Variants in SUSD6 observed in about 807,000 individuals in gnomAD.
SUSD6 encodes sushi domain-containing protein 6.
In SUSD6, 16 loss-of-function variants were observed where a neutral mutation model predicts 28.4. The ratio of observed to expected loss-of-function variants is 0.56; its 90% CI spans 0.38 to 0.86. The LOEUF (loss-of-function observed/expected upper bound fraction) is 0.86, where lower values mean the gene tolerates loss of function less well. Ranked by LOEUF, SUSD6 falls within the 40% of genes least tolerant of loss-of-function variation. The probability of loss-of-function intolerance (pLI) is 0.00; values close to 1 mark genes in which losing one functional copy is unlikely to be tolerated. For missense variants in SUSD6, 341 were observed against 384.2 expected (o/e 0.89, Z 0.94); for synonymous variants, 147 against 159.6 (o/e 0.92, Z 0.59).
chr14:69,712,515 G>C lies in SUSD6; in HGVS notation c.*1536G>C, dbSNP rs1488054352. On this transcript the variant is annotated 3_prime_UTR_variant, in exon 6 of 6. Coordinates refer to ENST00000342745, the MANE Select transcript of SUSD6 (RefSeq NM_014734.4). ...ACTGTGGCTGGGAAACTTCGAAGCGGACCCTGTGCTGCATGTCTGCTCCTC... is the reference window on the plus strand; with the variant it reads ...ACTGTGGCTGGGAAACTTCGAAGCGCACCCTGTGCTGCATGTCTGCTCCTC... The C allele has an allele frequency of 1.3e-5, 2 of 152,252 alleles. No individual in the cohort carries two copies. The highest frequency in any genetic ancestry group is 1.9e-4 in the East Asian group (1 of 5,188). 9.4% of individuals were successfully genotyped at this position (152,252 alleles called of 1,614,324 possible).
At position 69,711,451 on chromosome 14, in the gene SUSD6, G is replaced by A. The variant is rs373538282; in HGVS notation, c.*472G>A. 1.0e-3 allele frequency: 168 copies of A among 167,986 alleles called. 4 individuals are homozygous for A. The South Asian group carries it at 0.022, about 22-fold the overall frequency. The allele number at this position is 167,986 out of a possible 1,614,324, so 10.4% of individuals were successfully genotyped here. A position where few individuals can be genotyped will look rare whatever the true frequency, so the allele number is the denominator to read the frequency against. On this transcript the variant is annotated 3_prime_UTR_variant, in exon 6 of 6. Coordinates refer to ENST00000342745, the MANE Select transcript of SUSD6 (RefSeq NM_014734.4). ...CTGCCCCCTGCCACACAGGGGGCCG[G>A]GCCTGGGTCTGTCCTGTTTCCTTTG... is the stretch of plus-strand genomic sequence containing the variant.
At position 69,712,865 on chromosome 14, in the gene SUSD6, TTAGG is replaced by T. The variant is rs1886485035; in HGVS notation, c.*1891_*1894del. ...CTGTGCTGAGTCCAGGAAAGCATAG[TTAGG>T]TAGGGAGCTGGTTGGAGAAGGTGCT... On this transcript the variant is annotated 3_prime_UTR_variant, in exon 6 of 6. Transcript: ENST00000342745. The T allele has an allele frequency of 6.6e-6, 1 of 152,290 alleles. No homozygotes were observed. Among genetic ancestry groups the T allele is most frequent in the African/African-American group, 2.4e-5 (1 of 41,370 alleles). The allele number at this position is 152,290 out of a possible 1,614,324, so 9.4% of individuals were successfully genotyped here. A position where few individuals can be genotyped will look rare whatever the true frequency, so the allele number is the denominator to read the frequency against.
intron 1 of SUSD6, among the ~76,000 whole-genome samples, chr14:69,619,047 A>T (rs1417456803): frequency 6.6e-6 from 1 of 152,196 alleles, no homozygotes; most frequent in Non-Finnish European, 1.5e-5. Flanking sequence ...CTGAGAGGTG[A>T]AAGGGCTAGT....
intron 2 of SUSD6, among the ~76,000 whole-genome samples, chr14:69,691,863 A>G (rs191927192): frequency 2.6e-5 from 4 of 152,236 alleles, no homozygotes; most frequent in Admixed American, 2.6e-4. Flanking sequence ...AACATGGTGA[A>G]ACCTGTCTCT....
At chr14:69,674,764 T>C (rs1224168236) in intron 2 of SUSD6, among the ~76,000 whole-genome samples, 1 of 152,162 alleles carries the variant, frequency 6.6e-6, no homozygotes, top group Non-Finnish European at 1.5e-5. Flanking sequence ...TAGTACAGCC[T>C]GCCTGGCCCT....
In SUSD6 at chr14:69,672,571, T is replaced by G. The variant is rs78903926; in HGVS notation, c.121+13858T>G. On this transcript the variant is annotated intron_variant, in intron 2 of 5. Transcript: ENST00000342745. ...TGGAAGTACTTGAGATGCCAGGTTC[T>G]GCATCACAGTGCTAACTGCCTGGCA... is the stretch of plus-strand genomic sequence containing the variant. 1.7e-3 allele frequency among the ~76,000 whole-genome samples: 255 copies of G among 152,346 alleles called. 1 individual carries two copies. The highest frequency in any genetic ancestry group is 5.7e-3 in the African/African-American group (239 of 41,588).
chr14:69,663,592 T>C (rs911359014), intron 2 of SUSD6, among the ~76,000 whole-genome samples: 10 of 152,226 alleles, frequency 6.6e-5, no homozygotes, highest in African/African-American at 2.2e-4. Flanking sequence ...GCATCACTTA[T>C]GTGTCAGGCT....
chr14:69,650,667 A>G (rs1885490959), intron 1 of SUSD6, among the ~76,000 whole-genome samples: 1 of 151,852 alleles, frequency 6.6e-6, no homozygotes, highest in Non-Finnish European at 1.5e-5. Flanking sequence ...GTCTGGTCTT[A>G]TTTGTTCTCT....
At chr14:69,643,910 T>A (rs1183002009) in intron 1 of SUSD6, among the ~76,000 whole-genome samples, 1 of 152,236 alleles carries the variant, frequency 6.6e-6, no homozygotes, top group Non-Finnish European at 1.5e-5. Context: ...CCCTTTTGTG[T>A]GACTCCAGAG....
chr14:69,658,786 CA>C (rs2139614931), intron 2 of SUSD6, 73 bp downstream of exon 2: 1 of 1,594,510 alleles, frequency 6.3e-7, no homozygotes, highest in Non-Finnish European at 8.6e-7. Flanking sequence ...AAGACTAGGA[CA>C]GGGGACTCTC....
chr14:69,654,233 C>T (rs1217464994), intron 1 of SUSD6, among the ~76,000 whole-genome samples: 2 of 152,226 alleles, frequency 1.3e-5, no homozygotes, highest in African/African-American at 2.4e-5. Context: ...ATACCGGCTC[C>T]TCCCCACAGT....
At chr14:69,646,180 G>A (rs567846051) in intron 1 of SUSD6, among the ~76,000 whole-genome samples, 1 of 152,120 alleles carries the variant, frequency 6.6e-6, no homozygotes, top group Non-Finnish European at 1.5e-5. Flanking sequence ...TCGTCTTTCT[G>A]GGCCTTTGCT....
intron 3 of SUSD6, 31 bp downstream of exon 3, chr14:69,703,623 C>G: frequency 3.8e-6 from 6 of 1,596,272 alleles, no homozygotes; most frequent in Non-Finnish European, 3.4e-6. Context: ...AGGGATGCTG[C>G]TGGGGTTCTG....
At chr14:69,699,465 A>G (rs1032548403) in intron 2 of SUSD6, among the ~76,000 whole-genome samples, 3 of 151,674 alleles carry the variant, frequency 2.0e-5, no homozygotes, top group African/African-American at 7.3e-5. Flanking sequence ...TGACCTCCCA[A>G]AGCGCTGGGA....
intron 1 of SUSD6, among the ~76,000 whole-genome samples, chr14:69,639,239 A>T (rs546777447): frequency 3.8e-4 from 53 of 137,704 alleles, no homozygotes; most frequent in African/African-American, 1.3e-3. Context: ...GAGGCAGGAG[A>T]ATGGCGTGAA....
At chr14:69,693,642 A>T (rs946196260) in intron 2 of SUSD6, among the ~76,000 whole-genome samples, 1 of 152,226 alleles carries the variant, frequency 6.6e-6, no homozygotes, top group African/African-American at 2.4e-5. Flanking sequence ...ATCAGTGCCT[A>T]GTAATGTGCC....
intron 2 of SUSD6, among the ~76,000 whole-genome samples, chr14:69,676,905 C>T (rs554078217): frequency 4.6e-5 from 7 of 152,310 alleles, no homozygotes; most frequent in Admixed American, 1.3e-4. Context: ...ACTGTTTGGT[C>T]AGTCAGCTGC....
chr14:69,659,757 G>A (rs1335578732), intron 2 of SUSD6, among the ~76,000 whole-genome samples: 1 of 152,202 alleles, frequency 6.6e-6, no homozygotes, highest in Non-Finnish European at 1.5e-5. Flanking sequence ...GACCTCAGGT[G>A]ATCCACCCAC....
intron 1 of SUSD6, among the ~76,000 whole-genome samples, chr14:69,652,933 A>T (rs942635832): frequency 1.6e-4 from 25 of 152,214 alleles, no homozygotes; most frequent in South Asian, 8.3e-4. Context: ...CTAAGACAAT[A>T]AACATAAGCC....
Sources: allele counts gnomAD v4.1 joint callset (sites outside exome capture counted in the v4.1 genomes callset), GRCh38; gene constraint gnomAD v4.1.1; transcripts MANE v1.5; gene names NCBI Gene and HGNC (gene_info 2026-07-23, HGNC 2026-07-21).